Variants in RUVBL2 observed in about 807,000 individuals in gnomAD.
The protein encoded by RUVBL2 is ruvB-like 2.
A neutral mutation model predicts 57.9 loss-of-function variants in RUVBL2; 9 were observed. The observed-to-expected ratio is 0.16, with a 90% CI of 0.09 to 0.27. The LOEUF is 0.27. Among genes scored for constraint, RUVBL2 ranks in the 10% least tolerant of loss-of-function variants. The pLI, the probability that RUVBL2 is intolerant of heterozygous loss-of-function variation, is 1.00. For missense variants in RUVBL2, 456 were observed against 669.6 expected, an observed-to-expected ratio of 0.68 and a Z score of 3.52; for synonymous variants, 278 against 264.6, an observed-to-expected ratio of 1.05 and a Z score of -0.49.
Position 49,010,477 on chromosome 19 carries a change from C to CCCCCCCCCCCCCCCCCCCCCT in RUVBL2, c.664-10_664-9insCCCCCCCCCCCCCCCCCCCTC. ...TGTCTCCGCCGTTCTTCCCCCACCC[C>CCCCCCCCCCCCCCCCCCCCCT]CGCCCCATAGACCAAGTTCGTGCAG... On this transcript the variant is annotated splice_polypyrimidine_tract_variant and intron_variant, in intron 8 of 14. Transcript: ENST00000595090. 1 of 1,575,666 alleles carries CCCCCCCCCCCCCCCCCCCCCT rather than the reference C, an allele frequency of 6.3e-7. No homozygotes were observed. The highest frequency in any genetic ancestry group is 1.1e-5 in the South Asian group (1 of 90,104).
At position 49,011,354 on chromosome 19, in the gene RUVBL2, G is replaced by C; in HGVS notation, c.1001+44G>C. The C allele has an allele frequency of 2.0e-6, 3 of 1,502,978 alleles. No individual in the cohort carries two copies. The highest frequency in any genetic ancestry group is 2.8e-6 in the Non-Finnish European group (3 of 1,081,798). The allele number at this position is 1,502,978 out of a possible 1,614,324, so 93.1% of individuals were successfully genotyped here. A position where few individuals can be genotyped will look rare whatever the true frequency, so the allele number is the denominator to read the frequency against. The stretch of plus-strand genomic sequence containing the variant: ...CCTCTGGGGAAAACAGGATGCTCTG[G>C]GCAGTGGGTGTGGTCAGAGGGTCAA... On this transcript the variant is annotated intron_variant, in intron 11 of 14. Transcript: ENST00000595090. The surrounding 1 kb of genome is among the most constrained non-coding windows in gnomAD (Gnocchi z 4.4).
At chr19:48,995,275 G>A (rs2039034151) in intron 1 of RUVBL2, among the ~76,000 whole-genome samples, 1 of 151,580 alleles carries the variant, frequency 6.6e-6, no homozygotes, top group Admixed American at 6.6e-5. Context: ...ACAGTCCTTG[G>A]TAAGGGGCCT....
At chr19:48,996,817 G>A (rs532507849) in intron 1 of RUVBL2, among the ~76,000 whole-genome samples, 27 of 150,892 alleles carry the variant, frequency 1.8e-4, no homozygotes, top group Non-Finnish European at 2.5e-4. Context: ...GTGAGCCACC[G>A]TGCCTGACCT....
chr19:49,010,733 C>T (rs958827744), intron 9 of RUVBL2, 122 bp downstream of exon 9: 34 of 1,395,720 alleles, frequency 2.4e-5, no homozygotes, highest in Admixed American at 1.5e-4. Flanking sequence ...CCTGTAACTC[C>T]GGCCCGTGGC....
At chr19:48,993,545 C>G (rs1001826677), upstream of RUVBL2, 1 of 454,586 alleles carries the variant, frequency 2.2e-6, no homozygotes, top group African/African-American at 2.0e-5. Flanking sequence ...CAATCTGGAG[C>G]TGGAGGCCTC....
rs763334024 is a variant in RUVBL2 at position 49,009,868 on chromosome 19, C to T, written c.555C>T (p.Asp185=). Residue 185 remains aspartate (D), a synonymous_variant, in exon 7 of 15, where the codon GAC becomes GAT. Transcript: ENST00000595090. The part of the protein sequence containing the change: ...GTKMIESLTK[D]KVQAGDVITI... ...AGATGATTGAGTCCCTGACCAAGGA[C>T]AAGGTCCAGGCCGGGTGAGCAGTCA... is the stretch of plus-strand genomic sequence containing the variant. The T allele has an allele frequency of 1.2e-6, 2 of 1,613,952 alleles. No individual in the cohort carries two copies. The highest frequency in any genetic ancestry group is 2.7e-5 in the African/African-American group (2 of 74,900).
At chr19:49,003,204 A>G in intron 2 of RUVBL2, 75 bp from the exon 3 acceptor site, 1 of 988,148 alleles carries the variant, frequency 1.0e-6, no homozygotes, top group Non-Finnish European at 1.5e-6. Flanking sequence ...GAAGGAAACC[A>G]GGGCTCAGAG....
At chr19:49,007,397 G>A (rs2039303075) in intron 6 of RUVBL2, 29 bp downstream of exon 6, 8 of 1,603,490 alleles carry the variant, frequency 5.0e-6, no homozygotes, top group Non-Finnish European at 6.8e-6. Flanking sequence ...GTACCCTGCT[G>A]AGGCCACCTC....
upstream of RUVBL2, chr19:48,993,562 G>A (rs566098850): frequency 6.3e-6 from 3 of 473,666 alleles, no homozygotes; most frequent in East Asian, 8.0e-5. Context: ...CCTCAAAGTG[G>A]GGAGGAGGAG....
At chr19:49,010,467 T>TGGGGC in intron 8 of RUVBL2, 21 bp from the exon 9 acceptor site, 2 of 1,401,158 alleles carry the variant, frequency 1.4e-6, no homozygotes, top group African/African-American at 1.5e-5. Flanking sequence ...CCGCCGTTCT[T>TGGGGC]CCCCCACCCC....
rs751505004 is a variant in RUVBL2, at chr19:49,009,989, G to T, written c.586G>T (p.Asp196Tyr). Residue 196 changes from aspartate to tyrosine, a missense_variant, in exon 8 of 15, where the codon GAC becomes TAC. Around this residue, in one of 5 missense-constraint regions of RUVBL2, gnomAD observed 233 missense variants for 306.0 expected, o/e 0.76. Coordinates refer to ENST00000595090, the MANE Select transcript of RUVBL2 (RefSeq NM_006666.3). The stretch of plus-strand genomic sequence containing the variant: ...CCCCTGTAGGGACGTGATCACCATC[G>T]ACAAGGCGACGGGCAAGATCTCCAA... Reference protein sequence around the residue: ...KVQAGDVITIDKATGKISKLG... With the variant: ...KVQAGDVITIYKATGKISKLG... 2 of 1,592,398 alleles carry T rather than the reference G, an allele frequency of 1.3e-6. No homozygotes were observed. The highest frequency in any genetic ancestry group is 1.7e-6 in the Non-Finnish European group (2 of 1,166,880).
intron 3 of RUVBL2, 120 bp downstream of exon 3, chr19:49,003,454 C>T (rs2039222898): frequency 1.2e-6 from 1 of 848,552 alleles, no homozygotes; most frequent in East Asian, 2.5e-5. Context: ...GGCTACATAC[C>T]CATAAACTTC....
At chr19:49,009,559 G>A (rs2039363284) in intron 6 of RUVBL2, among the ~76,000 whole-genome samples, 1 of 152,188 alleles carries the variant, frequency 6.6e-6, no homozygotes. Context: ...GTCCAGTATG[G>A]TCCGTTGGGA....
chr19:48,994,301 G>A (rs1360459490), intron 1 of RUVBL2: 1 of 274,822 alleles, frequency 3.6e-6, no homozygotes, highest in Non-Finnish European at 7.1e-6. Flanking sequence ...ATTGTTAGTG[G>A]TGCCAATGGC....
At chr19:49,005,168 A>G (rs57294472) in intron 4 of RUVBL2, among the ~76,000 whole-genome samples, 465 of 152,216 alleles carry the variant, frequency 3.1e-3, no homozygotes, top group African/African-American at 0.011. Context: ...TCTCTGCCCC[A>G]TTGAAGCTTT....
chr19:49,015,187 G>T, intron 13 of RUVBL2, 37 bp downstream of exon 13: 2 of 1,592,824 alleles, frequency 1.3e-6, no homozygotes. Flanking sequence ...GCCAGATGGC[G>T]GCAGTGAGTG....
At chr19:49,002,056 GT>G (rs376204430) in intron 2 of RUVBL2, among the ~76,000 whole-genome samples, 15 of 145,302 alleles carry the variant, frequency 1.0e-4, no homozygotes, top group African/African-American at 2.5e-4. Flanking sequence ...GTTTTTTGTT[GT>G]TTTTTTTTTG....
chr19:49,003,941 C>A (rs1238237476), intron 3 of RUVBL2, among the ~76,000 whole-genome samples: 1 of 151,470 alleles, frequency 6.6e-6, no homozygotes, highest in East Asian at 1.9e-4. Context: ...ATAGTGACAC[C>A]TCCTTTCTAC....
intron 2 of RUVBL2, 48 bp from the exon 3 acceptor site, chr19:49,003,231 G>T (rs1220638745): frequency 1.3e-6 from 2 of 1,515,220 alleles, no homozygotes; most frequent in East Asian, 2.5e-5. Flanking sequence ...GGCCACATGT[G>T]CAGCAAGCTG....
Sources: allele counts gnomAD v4.1 joint callset (sites outside exome capture counted in the v4.1 genomes callset), GRCh38; gene constraint gnomAD v4.1.1; regional missense constraint gnomAD v4.1.1; non-coding constraint Gnocchi (gnomAD v3.1); transcripts MANE v1.5; gene names NCBI Gene and HGNC (gene_info 2026-07-23, HGNC 2026-07-21).